GRM4: variants seen among roughly 807,000 people sequenced by gnomAD.
The protein encoded by GRM4 is glutamate metabotropic receptor 4.
In GRM4, 28 loss-of-function variants were observed where a neutral mutation model predicts 81.7. The observed-to-expected ratio is 0.34, with a 90% confidence interval of 0.25 to 0.47. GRM4 has a LOEUF of 0.47. GRM4 is among the 20% of genes least tolerant of loss of function. GRM4 has a pLI of 1.00. For missense variants in GRM4, 948 were observed against 1,290.0 expected (o/e 0.73, Z 4.06); for synonymous variants, 488 against 528.8 (o/e 0.92, Z 1.06).
At chr6:34,044,113 TAC>T (rs1765148624) in intron 6 of GRM4, among the ~76,000 whole-genome samples, 2 of 133,396 alleles carry the variant, frequency 1.5e-5, no homozygotes, top group East Asian at 4.4e-4. Context: ...TACACATATA[TAC>T]ACAGACACAC....
chr6:34,079,721 C>T (rs1767486927), intron 3 of GRM4, among the ~76,000 whole-genome samples: 1 of 152,128 alleles, frequency 6.6e-6, no homozygotes, highest in African/African-American at 2.4e-5. Flanking sequence ...CGTGCCTGGC[C>T]CCGCAACCCC....
rs561381722 is a variant in GRM4, at chr6:34,085,899, C to A, written c.736+5984G>T. Among the ~76,000 whole-genome samples the A allele has an allele frequency of 2.0e-5, 3 of 152,284 alleles. No individual in the cohort carries two copies. The South Asian group carries it at 6.2e-4, about 32-fold the overall frequency. ...AGACATCCGAGAAGATACCTGAAGA[C>A]ACCAAGAATGCAGGCCGTGTGGACA... On this transcript the variant is annotated intron_variant, in intron 3 of 10. Transcript: ENST00000538487.
chr6:34,092,938 C>G lies in GRM4; in HGVS notation c.520-839G>C, dbSNP rs188225628. On this transcript the variant is annotated intron_variant, in intron 2 of 10. Transcript: ENST00000538487. This position sits in a 1 kb window ranked among gnomAD's most constrained non-coding sequence, Gnocchi z 6.8. ...AGGGGTATGGTCCCTCCTCTCCGCC[C>G]CTCCCCTCCAGGGCGCCACCCACTG... is the stretch of plus-strand genomic sequence containing the variant. Among the ~76,000 whole-genome samples, 1 of 152,244 alleles carries G rather than the reference C, an allele frequency of 6.6e-6. No individual in the cohort carries two copies. Among genetic ancestry groups the G allele is most frequent in the Non-Finnish European group, 1.5e-5 (1 of 67,996 alleles).
intron 2 of GRM4, among the ~76,000 whole-genome samples, chr6:34,110,372 C>T (rs1007104765): frequency 6.6e-5 from 10 of 151,096 alleles, no homozygotes; most frequent in African/African-American, 2.2e-4. Context: ...GAAGGAAAGC[C>T]GTGGCCCTGT....
chr6:34,024,001 T>A (rs555411791), intron 10 of GRM4, among the ~76,000 whole-genome samples: 2 of 152,278 alleles, frequency 1.3e-5, no homozygotes, highest in East Asian at 3.9e-4. Flanking sequence ...AGCTGTCCTT[T>A]GTCTAAAAGC....
chr6:34,056,806 TC>T, intron 5 of GRM4, 122 bp from the exon 6 acceptor site: 1 of 1,085,658 alleles, frequency 9.2e-7, no homozygotes, highest in Non-Finnish European at 1.3e-6. Context: ...GAGGAGCACA[TC>T]CTCTGATCCA....
chr6:34,077,565 T>C (rs1286892567), intron 3 of GRM4, among the ~76,000 whole-genome samples: 1 of 152,134 alleles, frequency 6.6e-6, no homozygotes, highest in Non-Finnish European at 1.5e-5. Context: ...TCAGTGGCTC[T>C]CACCTCCCTC....
rs540509129 is a variant in GRM4, at chr6:34,040,078, G to A, written c.1506+100C>T. On this transcript the variant is annotated intron_variant, in intron 8 of 10. Transcript: ENST00000538487. ...CCCCAGCCTGGCAGCAGCGGTCCTG[G>A]AGGTCAGGGCTAATCAGCAGCAGCC... 1.6e-5 allele frequency: 19 copies of A among 1,189,214 alleles called. No homozygotes were observed. In the South Asian group the frequency reaches 2.3e-4, roughly 14 times the overall value. The allele number at this position is 1,189,214 out of a possible 1,614,324, so 73.7% of individuals were successfully genotyped here.
At position 34,133,812 on chromosome 6, in the gene GRM4, A is replaced by G; in HGVS notation, c.-316T>C. 8.8e-7 allele frequency: 1 copy of G among 1,141,726 alleles called. No homozygotes were observed. Among genetic ancestry groups the G allele is most frequent in the South Asian group, 4.3e-5 (1 of 23,198 alleles). The allele number at this position is 1,141,726 out of a possible 1,614,324, so 70.7% of individuals were successfully genotyped here. A position where few individuals can be genotyped will look rare whatever the true frequency, so the allele number is the denominator to read the frequency against. ...GGGCAGAATGCTCCTAGCTTGGCGT[A>G]TCTTGGCATCAAGGAGAAAACAGCT... On this transcript the variant is annotated 5_prime_UTR_variant, in exon 2 of 11. Transcript: ENST00000538487. This position sits in a 1 kb window ranked among gnomAD's most constrained non-coding sequence, Gnocchi z 6.5.
intron 9 of GRM4, among the ~76,000 whole-genome samples, chr6:34,032,555 G>A (rs1434581277): frequency 1.3e-5 from 2 of 152,230 alleles, no homozygotes; most frequent in East Asian, 1.9e-4. Flanking sequence ...TGGGAGAGGT[G>A]TATGTCCCAT....
At chr6:34,143,084 C>T (rs1040115061) in intron 1 of GRM4, among the ~76,000 whole-genome samples, 6 of 152,152 alleles carry the variant, frequency 3.9e-5, no homozygotes, top group African/African-American at 1.4e-4. Flanking sequence ...AAGGGTAGTC[C>T]CTGAAGTGGC....
intron 2 of GRM4, among the ~76,000 whole-genome samples, chr6:34,112,475 G>A (rs751763241): frequency 1.3e-5 from 2 of 152,172 alleles, no homozygotes; most frequent in Non-Finnish European, 2.9e-5. Flanking sequence ...CTCCTGAGGT[G>A]GGAGAGAGGG....
At position 34,022,056 on chromosome 6, in the gene GRM4, C is replaced by T. The variant is rs1212536836; in HGVS notation, c.*765G>A. 2.6e-5 allele frequency: 4 copies of T among 154,016 alleles called. No individual in the cohort carries two copies. Among genetic ancestry groups the T allele is most frequent in the African/African-American group, 4.8e-5 (2 of 41,386 alleles). The allele number at this position is 154,016 out of a possible 1,614,324, so 9.5% of individuals were successfully genotyped here. ...ACACACGGCAGATGGGCGGGGCAGG[C>T]GGGCAGGCTGCGGGCCACAGGGACA... On this transcript the variant is annotated 3_prime_UTR_variant, in exon 11 of 11. Coordinates refer to ENST00000538487, the MANE Select transcript of GRM4 (RefSeq NM_000841.4). This position sits in a 1 kb window ranked among gnomAD's most constrained non-coding sequence, Gnocchi z 5.6.
chr6:34,155,340 A>AGG lies in GRM4; in HGVS notation c.49_50dup (p.Pro18LeufsTer54). Reference sequence around the variant, plus strand: ...TGCAGAGGCGTAGAGGGGAGCAAGGAGGGGCGCGCCAGCCGCAGGAAGCTG... The same window carrying AGG: ...TGCAGAGGCGTAGAGGGGAGCAAGGAGGGGGGCGCGCCAGCCGCAGGAAGCTG... On this transcript the variant is annotated frameshift_variant, in exon 1 of 9. Transcript: ENST00000374177. LOFTEE classifies it high-confidence loss of function. 1 of 1,509,544 alleles carries AGG rather than the reference A, an allele frequency of 6.6e-7. No homozygotes were observed. The highest frequency in any genetic ancestry group is 8.8e-7 in the Non-Finnish European group (1 of 1,132,092). 93.5% of individuals were successfully genotyped at this position (1,509,544 alleles called of 1,614,324 possible).
intron 2 of GRM4, among the ~76,000 whole-genome samples, chr6:34,124,380 CCTCCCATGCGG>C (rs1769934446): frequency 6.6e-6 from 1 of 152,186 alleles, no homozygotes; most frequent in Admixed American, 6.5e-5. Context: ...ACTGACATTC[CCTCCCATGCGG>C]CTCTCCAGCC....
intron 2 of GRM4, chr6:34,110,981 C>T (rs994702606): frequency 8.8e-6 from 5 of 569,630 alleles, no homozygotes; most frequent in South Asian, 6.4e-5. Context: ...AGGAGCCAAG[C>T]GGAGACAGGG....
chr6:34,129,519 C>A (rs1181856866), intron 2 of GRM4, among the ~76,000 whole-genome samples: 5 of 152,326 alleles, frequency 3.3e-5, no homozygotes, highest in Admixed American at 1.3e-4. Context: ...CATCAGCACC[C>A]CTGTCCTGAA....
chr6:34,082,952 C>A (rs942770165), intron 3 of GRM4, among the ~76,000 whole-genome samples: 3 of 152,210 alleles, frequency 2.0e-5, no homozygotes, highest in Non-Finnish European at 2.9e-5. Context: ...GGATTCAGAA[C>A]GCCAAAGCCA....
intron 10 of GRM4, chr6:34,024,455 C>T (rs1243311202): frequency 6.2e-6 from 2 of 324,118 alleles, no homozygotes; most frequent in African/African-American, 2.2e-5. Context: ...GAGCAACAAA[C>T]ATCTGTCTGA....
Sources: allele counts gnomAD v4.1 joint callset (sites outside exome capture counted in the v4.1 genomes callset), GRCh38; gene constraint gnomAD v4.1.1; non-coding constraint Gnocchi (gnomAD v3.1); transcripts MANE v1.5; gene names NCBI Gene and HGNC (gene_info 2026-07-23, HGNC 2026-07-21).